MSRB3: variants seen among roughly 807,000 people sequenced by gnomAD.
MSRB3 encodes the protein methionine sulfoxide reductase B3, also known as methionine-R-sulfoxide reductase B3.
Under a neutral mutation model 21.0 loss-of-function variants are expected in MSRB3, and 13 were observed. The observed-to-expected ratio is 0.62, with a 90% CI of 0.40 to 0.98. The LOEUF is 0.98. Among genes scored for constraint, MSRB3 ranks in the 50% least tolerant of loss-of-function variants. MSRB3 has a pLI of 0.00. For missense variants in MSRB3, 199 were observed against 230.3 expected, an observed-to-expected ratio of 0.86 and a Z score of 0.88; for synonymous variants, 87 against 88.6, an observed-to-expected ratio of 0.98 and a Z score of 0.10.
intron 5 of MSRB3, among the ~76,000 whole-genome samples, chr12:65,415,995 G>A (rs1880953041): frequency 6.6e-6 from 1 of 152,224 alleles, no homozygotes; most frequent in South Asian, 2.1e-4. Flanking sequence ...CACTATTTGT[G>A]TGTGTGCTTG....
intron 5 of MSRB3, among the ~76,000 whole-genome samples, chr12:65,431,537 G>A (rs1032654911): frequency 2.0e-4 from 30 of 152,114 alleles, no homozygotes; most frequent in African/African-American, 5.1e-4. Flanking sequence ...AAATATACTG[G>A]ACCATGTAGC....
intron 4 of MSRB3, 113 bp downstream of exon 4, chr12:65,328,716 C>G: frequency 1.3e-6 from 1 of 785,360 alleles, no homozygotes; most frequent in Non-Finnish European, 2.2e-6. Context: ...GTTTGTTTTT[C>G]TATTTCCATT....
chr12:65,332,309 G>GTGTGTGTGTGTGTA (rs1463656466), intron 4 of MSRB3, among the ~76,000 whole-genome samples: 1 of 152,004 alleles, frequency 6.6e-6, no homozygotes, highest in Non-Finnish European at 1.5e-5. Context: ...GTGTGTGTGT[G>GTGTGTGTGTGTGTA]TGTATGAAAA....
At position 65,368,557 on chromosome 12, in the gene MSRB3, G is replaced by C. The variant is rs114775896; in HGVS notation, c.264-441G>C. ...TTTTCTCCTTCTTATTAAATGTATG[G>C]GGTTACTAGGTTCATTTGCTGTGTG... is the stretch of plus-strand genomic sequence containing the variant. On this transcript the variant is annotated intron_variant, in intron 4 of 6. Coordinates refer to ENST00000308259, the MANE Select transcript of MSRB3 (RefSeq NM_001031679.3). 3.7e-3 allele frequency among the ~76,000 whole-genome samples: 556 copies of C among 152,188 alleles called. 1 individual carries two copies. The highest frequency in any genetic ancestry group is 0.012 in the African/African-American group (513 of 41,518).
chr12:65,361,938 A>C (rs2136519000), intron 4 of MSRB3, among the ~76,000 whole-genome samples: 1 of 152,288 alleles, frequency 6.6e-6, no homozygotes, highest in African/African-American at 2.4e-5. Context: ...CCGTAAAATT[A>C]ATGGGCACCT....
chr12:65,318,228 G>T (rs1406446308), intron 2 of MSRB3, among the ~76,000 whole-genome samples: 2 of 152,026 alleles, frequency 1.3e-5, no homozygotes, highest in Non-Finnish European at 2.9e-5. Flanking sequence ...TTTGATTTGG[G>T]TGGTAATGTA....
chr12:65,413,795 C>G (rs897785133), intron 5 of MSRB3, among the ~76,000 whole-genome samples: 2 of 151,880 alleles, frequency 1.3e-5, no homozygotes, highest in Admixed American at 1.3e-4. Flanking sequence ...AAAAACCCAG[C>G]AGAGTAAGGG....
chr12:65,315,691 AAAC>A (rs1329980835), intron 2 of MSRB3, among the ~76,000 whole-genome samples: 3 of 151,772 alleles, frequency 2.0e-5, no homozygotes, highest in African/African-American at 7.3e-5. Context: ...AAAAAAAAAA[AAAC>A]CCATGAAATG....
chr12:65,378,373 C>T (rs1344703295), intron 5 of MSRB3, among the ~76,000 whole-genome samples: 1 of 152,092 alleles, frequency 6.6e-6, no homozygotes, highest in African/African-American at 2.4e-5. Flanking sequence ...TGATTTGAAA[C>T]AATAATCATT....
intron 5 of MSRB3, among the ~76,000 whole-genome samples, chr12:65,398,422 C>T (rs900733058): frequency 2.0e-5 from 3 of 152,256 alleles, no homozygotes; most frequent in Admixed American, 2.0e-4. Flanking sequence ...TGTGAAATGT[C>T]TGTTCATATC....
At chr12:65,423,799 T>C (rs1030023670) in intron 5 of MSRB3, among the ~76,000 whole-genome samples, 1 of 152,178 alleles carries the variant, frequency 6.6e-6, no homozygotes, top group East Asian at 1.9e-4. Context: ...TATAGTTTCT[T>C]TTCTTGTAAT....
chr12:65,343,127 A>G (rs1876253226), intron 4 of MSRB3, among the ~76,000 whole-genome samples: 2 of 152,112 alleles, frequency 1.3e-5, no homozygotes, highest in Admixed American at 1.3e-4. Flanking sequence ...TCTCTCTATG[A>G]CAAAATTTAT....
chr12:65,368,775 C>T (rs1592571294), intron 4 of MSRB3, among the ~76,000 whole-genome samples: 2 of 152,160 alleles, frequency 1.3e-5, no homozygotes, highest in African/African-American at 2.4e-5. Context: ...AAGTTAATGT[C>T]TTTTCCATAT....
intron 4 of MSRB3, among the ~76,000 whole-genome samples, chr12:65,348,922 A>AT (rs200476982): frequency 0.093 from 13,943 of 150,100 alleles, 2,196 homozygotes; most frequent in African/African-American, 0.32. Context: ...TTCTTTTTTT[A>AT]TATACTTTAA....
At chr12:65,341,417 T>C (rs1474303188) in intron 4 of MSRB3, among the ~76,000 whole-genome samples, 2 of 151,608 alleles carry the variant, frequency 1.3e-5, no homozygotes, top group Admixed American at 1.3e-4. Flanking sequence ...CTGGAACAGT[T>C]GGGGGGAAGG....
chr12:65,318,505 A>T (rs1322179791), intron 2 of MSRB3, among the ~76,000 whole-genome samples: 2 of 151,272 alleles, frequency 1.3e-5, no homozygotes, highest in African/African-American at 4.8e-5. Context: ...TCTGTTTTTA[A>T]TTTTTTTTTA....
intron 2 of MSRB3, among the ~76,000 whole-genome samples, chr12:65,319,119 T>G (rs1432005759): frequency 6.6e-6 from 1 of 152,112 alleles, no homozygotes; most frequent in Non-Finnish European, 1.5e-5. Context: ...AAAAATACAT[T>G]TACTCCCCTT....
chr12:65,422,732 A>G (rs922724628), intron 5 of MSRB3, among the ~76,000 whole-genome samples: 10 of 151,686 alleles, frequency 6.6e-5, no homozygotes, highest in African/African-American at 2.4e-4. Context: ...AATATTTTAA[A>G]TCAATGTTTT....
chr12:65,353,586 TCCTC>T (rs1877181785), intron 4 of MSRB3, among the ~76,000 whole-genome samples: 1 of 152,148 alleles, frequency 6.6e-6, no homozygotes, highest in African/African-American at 2.4e-5. Context: ...TGGTAGATCT[TCCTC>T]CATCCCTTTA....
Sources: allele counts gnomAD v4.1 joint callset (sites outside exome capture counted in the v4.1 genomes callset), GRCh38; gene constraint gnomAD v4.1.1; transcripts MANE v1.5; gene names NCBI Gene and HGNC (gene_info 2026-07-23, HGNC 2026-07-21).